ANK1: variants seen among roughly 807,000 people sequenced by gnomAD.
The protein encoded by ANK1 is ankyrin-1.
In ANK1, 51 loss-of-function variants were observed where a neutral mutation model predicts 210.4. That is an observed-to-expected ratio of 0.24 (90% CI 0.19 to 0.31). ANK1 has a LOEUF of 0.31. Ranked by LOEUF, ANK1 falls within the 10% of genes least tolerant of loss-of-function variation. The probability of loss-of-function intolerance (pLI) is 1.00; values close to 1 mark genes in which losing one functional copy is unlikely to be tolerated. For missense variants in ANK1, 2,051 were observed against 2,504.4 expected (o/e 0.82, Z 3.86); for synonymous variants, 967 against 1,025.9 (o/e 0.94, Z 1.10).
At chr8:41,716,849 C>T in intron 13 of ANK1, 104 bp downstream of exon 13, 1 of 1,178,824 alleles carries the variant, frequency 8.5e-7, no homozygotes, top group South Asian at 1.2e-5. Context: ...AAGTGATCCC[C>T]AGGCCACAGC....
intron 1 of ANK1, among the ~76,000 whole-genome samples, chr8:41,890,981 T>G (rs931764489): frequency 6.6e-6 from 1 of 152,214 alleles, no homozygotes; most frequent in Non-Finnish European, 1.5e-5. Context: ...TGCTTACAAT[T>G]TAGTAGAAGA....
intron 1 of ANK1, chr8:41,789,335 C>G (rs1297607672): frequency 6.6e-6 from 1 of 152,200 alleles, no homozygotes; most frequent in Non-Finnish European, 1.5e-5. Context: ...CCGACTTTTC[C>G]CAAAAGGCTG....
rs1848979272 is a variant in ANK1 at position 41,797,485 on chromosome 8, C to T, written c.27+27G>A. On this transcript the variant is annotated intron_variant, in intron 1 of 42. Coordinates refer to ENST00000289734, the MANE Select transcript of ANK1 (RefSeq NM_000037.4). The surrounding 1 kb of genome is among the most constrained non-coding windows in gnomAD (Gnocchi z 4.0). ...TGGCCCCCTCCTGACATCTCCCCGTCCACCCGAGCAGCCGCCCAGTACTCA... is the reference window on the plus strand; with the variant it reads ...TGGCCCCCTCCTGACATCTCCCCGTTCACCCGAGCAGCCGCCCAGTACTCA... 1 of 1,608,272 alleles carries T rather than the reference C, an allele frequency of 6.2e-7. No homozygotes were observed.
chr8:41,871,170 C>G (rs920321022), intron 1 of ANK1, among the ~76,000 whole-genome samples: 1 of 152,200 alleles, frequency 6.6e-6, no homozygotes, highest in Non-Finnish European at 1.5e-5. Flanking sequence ...GCCTTCCCAT[C>G]GCCCCTGCAT....
intron 1 of ANK1, among the ~76,000 whole-genome samples, chr8:41,878,084 C>A (rs150313908): frequency 4.6e-5 from 7 of 152,368 alleles, no homozygotes; most frequent in African/African-American, 7.2e-5. Flanking sequence ...GCAGAGTCCA[C>A]AGCGGTACCA....
chr8:41,770,734 G>A (rs546620147), intron 1 of ANK1, among the ~76,000 whole-genome samples: 2 of 152,350 alleles, frequency 1.3e-5, no homozygotes, highest in African/African-American at 4.8e-5. Flanking sequence ...AGTCAGGCAA[G>A]GCCCAAGAGG....
intron 38 of ANK1, among the ~76,000 whole-genome samples, chr8:41,668,991 C>T (rs1476772657): frequency 6.6e-6 from 1 of 152,032 alleles, no homozygotes; most frequent in Non-Finnish European, 1.5e-5. Flanking sequence ...TTCTCTCCCC[C>T]TCAAGACACA....
chr8:41,793,394 TA>T (rs80355097), intron 1 of ANK1, among the ~76,000 whole-genome samples: 9 of 150,472 alleles, frequency 6.0e-5, no homozygotes, highest in East Asian at 1.9e-4. Flanking sequence ...AAACAAACAA[TA>T]AAAAAAAATA....
At chr8:41,836,052 T>A (rs1807631282) in intron 1 of ANK1, among the ~76,000 whole-genome samples, 1 of 152,138 alleles carries the variant, frequency 6.6e-6, no homozygotes, top group Non-Finnish European at 1.5e-5. Flanking sequence ...CCAGCACAGA[T>A]GTTCAGGTCG....
rs1034293730 is a variant in ANK1, at chr8:41,723,109, G to A, written c.909+16C>T. The A allele has an allele frequency of 6.2e-7, 1 of 1,613,512 alleles. No individual in the cohort carries two copies. ...CCCTGTCTAGAAAATGCGCCTGACA[G>A]GAAGGAAGTACACACCTTGGTTTTG... On this transcript the variant is annotated intron_variant, in intron 9 of 42. Coordinates refer to ENST00000289734, the MANE Select transcript of ANK1 (RefSeq NM_000037.4).
intron 22 of ANK1, chr8:41,700,428 T>C: frequency 6.2e-7 from 1 of 1,613,548 alleles, no homozygotes; most frequent in Non-Finnish European, 8.5e-7. Flanking sequence ...AAGCATTTCA[T>C]ACCCATTATA....
At chr8:41,803,499 A>C (rs1239080132) in intron 1 of ANK1, 1 of 152,168 alleles carries the variant, frequency 6.6e-6, no homozygotes, top group African/African-American at 2.4e-5. Context: ...GACAATTATT[A>C]TTCACAAATC....
Position 41,655,556 on chromosome 8 carries a change from G to A in ANK1, c.*234C>T, listed in dbSNP as rs988918946. On this transcript the variant is annotated 3_prime_UTR_variant, in exon 43 of 43. Coordinates refer to ENST00000289734, the MANE Select transcript of ANK1 (RefSeq NM_000037.4). ...GACAGATCAGCTGTCATTGCAAGAG[G>A]CAGGATTGAAGCCTGGAGGTCATGC... 27 of 731,090 alleles carry A rather than the reference G, an allele frequency of 3.7e-5. No homozygotes were observed. The highest frequency in any genetic ancestry group is 5.8e-5 in the Non-Finnish European group (25 of 431,490). 45.3% of individuals were successfully genotyped at this position (731,090 alleles called of 1,614,324 possible).
In ANK1 at chr8:41,703,450, A is replaced by ATTTTTTT. The variant is rs58196949; in HGVS notation, c.2295+584_2295+590dup. On this transcript the variant is annotated intron_variant, in intron 20 of 42. Coordinates refer to ENST00000289734, the MANE Select transcript of ANK1 (RefSeq NM_000037.4). ...TATATATATATATATATATATATATATTTTTTTTTTTTTTTTAAGACACAA... is the reference window on the plus strand; with the variant it reads ...TATATATATATATATATATATATATATTTTTTTTTTTTTTTTTTTTTTTAAGACACAA... Among the ~76,000 whole-genome samples the ATTTTTTT allele has an allele frequency of 9.5e-4, 56 of 58,816 alleles. 3 individuals are homozygous for ATTTTTTT. The highest frequency in any genetic ancestry group is 4.9e-3 in the African/African-American group (54 of 11,070). 38.6% of individuals were successfully genotyped at this position (58,816 alleles called of 152,430 possible).
chr8:41,701,341 T>G (rs959274996), intron 22 of ANK1, among the ~76,000 whole-genome samples: 4 of 152,220 alleles, frequency 2.6e-5, no homozygotes, highest in African/African-American at 9.6e-5. Flanking sequence ...TTAAATTTAG[T>G]CAATGTTCCC....
At chr8:41,792,726 G>A (rs1187975737) in intron 1 of ANK1, among the ~76,000 whole-genome samples, 1 of 152,168 alleles carries the variant, frequency 6.6e-6, no homozygotes, top group Admixed American at 6.5e-5. Flanking sequence ...TTCAGAGGAA[G>A]GAGAAACTAT....
At chr8:41,874,774 G>T (rs7822540) in intron 1 of ANK1, among the ~76,000 whole-genome samples, 2 of 152,214 alleles carry the variant, frequency 1.3e-5, no homozygotes, top group East Asian at 3.8e-4. Context: ...TGGCCTCCTT[G>T]TCTCCCACTG....
At chr8:41,792,741 T>C (rs1474159767) in intron 1 of ANK1, among the ~76,000 whole-genome samples, 2 of 152,362 alleles carry the variant, frequency 1.3e-5, no homozygotes, top group East Asian at 3.9e-4. Flanking sequence ...AACTATTTTA[T>C]GAATTTTAAA....
Position 41,744,612 on chromosome 8 carries a change from C to G in ANK1, c.130-10543G>C, listed in dbSNP as rs1586644606. On this transcript the variant is annotated intron_variant, in intron 2 of 42. Transcript: ENST00000289734. ...AGTGCAGTGGTGCAATCTCGGCTCACTGCAAGCTCCGCCTCCCGGGTTCAC... is the reference window on the plus strand; with the variant it reads ...AGTGCAGTGGTGCAATCTCGGCTCAGTGCAAGCTCCGCCTCCCGGGTTCAC... Among the ~76,000 whole-genome samples the G allele has an allele frequency of 7.3e-5, 11 of 150,584 alleles. 1 individual carries two copies. In the South Asian group the frequency reaches 2.3e-3, roughly 32 times the overall value.
Sources: allele counts gnomAD v4.1 joint callset (sites outside exome capture counted in the v4.1 genomes callset), GRCh38; gene constraint gnomAD v4.1.1; non-coding constraint Gnocchi (gnomAD v3.1); transcripts MANE v1.5; gene names NCBI Gene and HGNC (gene_info 2026-07-23, HGNC 2026-07-21).